The following PRPF38B variants were observed in gnomAD, a reference collection of about 807,000 sequenced individuals.
The protein encoded by PRPF38B is pre-mRNA processing factor 38B, also known as pre-mRNA-splicing factor 38B.
A neutral mutation model predicts 67.2 loss-of-function variants in PRPF38B; 18 were observed. That is an observed-to-expected ratio of 0.27 (90% confidence interval 0.19 to 0.40). The LOEUF (loss-of-function observed/expected upper bound fraction) is 0.40, where lower values mean the gene tolerates loss of function less well. Ranked by LOEUF, PRPF38B falls within the 10% of genes least tolerant of loss-of-function variation. PRPF38B has a pLI of 1.00. For missense variants in PRPF38B, 544 were observed against 684.9 expected (o/e 0.79, Z 2.30); for synonymous variants, 246 against 234.2 (o/e 1.05, Z -0.46).
Position 108,696,258 on chromosome 1 carries a change from T to C in PRPF38B, c.498-19T>C, listed in dbSNP as rs1659850770. On this transcript the variant is annotated intron_variant, in intron 3 of 5. Coordinates refer to ENST00000370025, the MANE Select transcript of PRPF38B (RefSeq NM_018061.4). ...ATTTTAATTCACATGTGTTTAATAA[T>C]AGTCTTTTGTAATTCTAGATATACA... is the stretch of plus-strand genomic sequence containing the variant. 6.2e-7 allele frequency: 1 copy of C among 1,611,456 alleles called. No individual in the cohort carries two copies. Among genetic ancestry groups the C allele is most frequent in the African/African-American group, 1.3e-5 (1 of 74,956 alleles).
rs77631060 is a variant in PRPF38B, at chr1:108,702,420, G to T, written c.*2400G>T. Among the ~76,000 whole-genome samples, 1,256 of 152,278 alleles carry T rather than the reference G, an allele frequency of 8.2e-3. 5 individuals are homozygous for T. Among genetic ancestry groups the T allele is most frequent in the South Asian group, 0.027 (130 of 4,826 alleles). ...ATTACAGGTGTGAGCCACCACTCCA[G>T]TCCCTTCTTACGATTTTTAAATATG... On this transcript the variant is annotated 3_prime_UTR_variant, in exon 6 of 6. Coordinates refer to ENST00000370025, the MANE Select transcript of PRPF38B (RefSeq NM_018061.4).
chr1:108,699,657 T>C lies in PRPF38B; in HGVS notation c.1278T>C (p.Ser426=). ...KRDSKKEKKH[S]RSRSRERKHR... is the part of the protein sequence containing the mutation. ...ATTCCAAGAAAGAGAAAAAACACAGTAGAAGCAGAAGCAGAGAAAGGAAAC... is the reference window on the plus strand; with the variant it reads ...ATTCCAAGAAAGAGAAAAAACACAGCAGAAGCAGAAGCAGAGAAAGGAAAC... Residue 426 remains serine, a synonymous_variant, in exon 6 of 6, where the codon AGT becomes AGC. Transcript: ENST00000370025. The C allele has an allele frequency of 1.3e-6, 2 of 1,561,258 alleles. No homozygotes were observed. The highest frequency in any genetic ancestry group is 1.2e-5 in the South Asian group (1 of 85,322).
rs1009974818 is a variant in PRPF38B, at chr1:108,696,735, T to G, written c.558+398T>G. 4.2e-5 allele frequency: 30 copies of G among 716,948 alleles called. No individual in the cohort carries two copies. In the African/African-American group the frequency reaches 4.5e-4, roughly 11 times the overall value. 44.4% of individuals were successfully genotyped at this position (716,948 alleles called of 1,614,324 possible). On this transcript the variant is annotated intron_variant, in intron 4 of 5. Transcript: ENST00000370025. Reference sequence around the variant, plus strand: ...GTAGCTTTTTTTTCTTCTGGAACATTTCAGTTCTTCACCCTCTAGCTTCTT... The same window carrying G: ...GTAGCTTTTTTTTCTTCTGGAACATGTCAGTTCTTCACCCTCTAGCTTCTT...
chr1:108,701,020 CTGT>C lies in PRPF38B; in HGVS notation c.*1002_*1004del, dbSNP rs1570706019. ...CTTTTTTTATTGATAATGGAGATTG[CTGT>C]TTGAGTTTTTAAACTTAATCTAGAA... On this transcript the variant is annotated 3_prime_UTR_variant, in exon 6 of 6. Coordinates refer to ENST00000370025, the MANE Select transcript of PRPF38B (RefSeq NM_018061.4). 6.6e-6 allele frequency: 1 copy of C among 152,406 alleles called. No homozygotes were observed. Among genetic ancestry groups the C allele is most frequent in the African/African-American group, 2.4e-5 (1 of 41,362 alleles). The allele number at this position is 152,406 out of a possible 1,614,324, so 9.4% of individuals were successfully genotyped here. A position where few individuals can be genotyped will look rare whatever the true frequency, so the allele number is the denominator to read the frequency against.
intron 2 of PRPF38B, 36 bp from the exon 3 acceptor site, chr1:108,696,007 A>C: frequency 6.3e-7 from 1 of 1,598,254 alleles, no homozygotes; most frequent in Non-Finnish European, 8.5e-7. Flanking sequence ...TCCGTTAATT[A>C]TTTTACTACT....
At chr1:108,696,675 C>G (rs898483288) in intron 4 of PRPF38B, 28 of 711,964 alleles carry the variant, frequency 3.9e-5, no homozygotes, top group African/African-American at 3.7e-4. Flanking sequence ...CAAGATCGAA[C>G]AGATAATAAA....
Position 108,692,706 on chromosome 1 carries a change from G to A in PRPF38B, c.115G>A (p.Val39Ile), listed in dbSNP as rs1294511767. ...CGGCGGCGGCGCTACCAAGCCGGCG[G>A]TCTCCGGCAAGCAGGGCAATGTGCT... Reference protein sequence around the residue: ...CGGGGATKPAVSGKQGNVLPL... With the variant: ...CGGGGATKPAISGKQGNVLPL... Residue 39 changes from valine to isoleucine, a missense_variant, in exon 1 of 6, where the codon GTC (valine) becomes ATC (isoleucine). By Grantham distance (29) the Val-to-Ile change is conservative (BLOSUM62 3). This residue lies in a region of PRPF38B where 70 missense variants were observed against 58.4 expected (regional missense o/e 1.20). Coordinates refer to ENST00000370025, the MANE Select transcript of PRPF38B (RefSeq NM_018061.4). The A allele has an allele frequency of 4.3e-6, 7 of 1,613,522 alleles. No individual in the cohort carries two copies. The highest frequency in any genetic ancestry group is 5.9e-6 in the Non-Finnish European group (7 of 1,180,040).
chr1:108,692,526 G>A lies in PRPF38B; in HGVS notation c.-66G>A, dbSNP rs993548796. 8 of 1,471,998 alleles carry A rather than the reference G, an allele frequency of 5.4e-6. No individual in the cohort carries two copies. Among genetic ancestry groups the A allele is most frequent in the Non-Finnish European group, 7.2e-6 (8 of 1,111,912 alleles). The allele number at this position is 1,471,998 out of a possible 1,614,324, so 91.2% of individuals were successfully genotyped here. Reference sequence around the variant, plus strand: ...GAGTAGGGTCCCAGACCGTTGTCCCGAAGAGCGAGATCGAGCTTGGCCCCC... The same window carrying A: ...GAGTAGGGTCCCAGACCGTTGTCCCAAAGAGCGAGATCGAGCTTGGCCCCC... On this transcript the variant is annotated 5_prime_UTR_variant, in exon 1 of 6. Transcript: ENST00000370025.
At chr1:108,698,289 T>C (rs1660082912) in intron 4 of PRPF38B, 1 of 233,298 alleles carries the variant, frequency 4.3e-6, no homozygotes, top group South Asian at 9.7e-5. Context: ...AATAAATACA[T>C]AGTAGGTATG....
At chr1:108,694,325 A>G (rs371938729) in intron 1 of PRPF38B, among the ~76,000 whole-genome samples, 2 of 152,192 alleles carry the variant, frequency 1.3e-5, no homozygotes, top group Admixed American at 6.5e-5. Flanking sequence ...TCTGTTTTCT[A>G]ACATAGGCAA....
Position 108,701,463 on chromosome 1 carries a change from T to G in PRPF38B, c.*1443T>G, listed in dbSNP as rs1182917701. On this transcript the variant is annotated 3_prime_UTR_variant, in exon 6 of 6. Transcript: ENST00000370025. ...TGTCAAAGACGTTTATTGGGATACCTTTTACTTGGACAATATGTTAGCATT... is the reference window on the plus strand; with the variant it reads ...TGTCAAAGACGTTTATTGGGATACCGTTTACTTGGACAATATGTTAGCATT... 1.3e-5 allele frequency: 2 copies of G among 152,234 alleles called. No individual in the cohort carries two copies. Among genetic ancestry groups the G allele is most frequent in the African/African-American group, 2.4e-5 (1 of 41,462 alleles). 9.4% of individuals were successfully genotyped at this position (152,234 alleles called of 1,614,324 possible). A position where few individuals can be genotyped will look rare whatever the true frequency, so the allele number is the denominator to read the frequency against.
chr1:108,692,902 G>A (rs1174375595), intron 1 of PRPF38B, 35 bp downstream of exon 1: 2 of 1,585,382 alleles, frequency 1.3e-6, no homozygotes, highest in African/African-American at 2.7e-5. Context: ...TTGGGGGTAA[G>A]TTCGGAAGAG....
rs548477992 is a variant in PRPF38B, at chr1:108,692,425, T to A, written c.-167T>A. 6.1e-4 allele frequency: 470 copies of A among 767,238 alleles called. 2 individuals are homozygous for A. In the African/African-American group the frequency reaches 7.7e-3, roughly 13 times the overall value. The allele number at this position is 767,238 out of a possible 1,614,324, so 47.5% of individuals were successfully genotyped here. A position where few individuals can be genotyped will look rare whatever the true frequency, so the allele number is the denominator to read the frequency against. ...CTGTCTGCTCTTGGCCCGGGGTCAT[T>A]TTGTCGGCGTCGGGTGCCCTCTCTT... On this transcript the variant is annotated 5_prime_UTR_variant, in exon 1 of 6. Transcript: ENST00000370025.
In PRPF38B at chr1:108,699,210, A is replaced by G. The variant is rs759385197; in HGVS notation, c.831A>G (p.Arg277=). The change falls in exon 6 of 6, where the codon AGA becomes AGG. Residue 277 remains arginine (R), a synonymous_variant. Transcript: ENST00000370025. ...CACGGAGGTCCCCAAGAAGGTCAAG[A>G]AGTAGAAGTCATCATCGGGAGGGCC... The part of the protein sequence containing the change: ...LSPRRSPRRS[R]SRSHHREGHG... The G allele has an allele frequency of 1.4e-5, 23 of 1,613,994 alleles. No individual in the cohort carries two copies. The African/African-American group carries it at 3.1e-4, about 22-fold the overall frequency.
At position 108,701,836 on chromosome 1, in the gene PRPF38B, T is replaced by G. The variant is rs968004184; in HGVS notation, c.*1816T>G. ...CTTTTTTCTTTTTTAAGAAAATTCCTTTGTCTTTTAAATTGAGCATCAAGT... is the reference window on the plus strand; with the variant it reads ...CTTTTTTCTTTTTTAAGAAAATTCCGTTGTCTTTTAAATTGAGCATCAAGT... On this transcript the variant is annotated 3_prime_UTR_variant, in exon 6 of 6. Transcript: ENST00000370025. 6.6e-6 allele frequency: 1 copy of G among 152,232 alleles called. No homozygotes were observed. Among genetic ancestry groups the G allele is most frequent in the African/African-American group, 2.4e-5 (1 of 41,462 alleles). 9.4% of individuals were successfully genotyped at this position (152,232 alleles called of 1,614,324 possible).
In PRPF38B at chr1:108,699,381, A is replaced by T. The variant is rs185237370; in HGVS notation, c.1002A>T (p.Glu334Asp). The T allele has an allele frequency of 1.7e-5, 27 of 1,614,188 alleles. No individual in the cohort carries two copies. In the Admixed American group the frequency reaches 3.3e-4, roughly 20 times the overall value. ...GLERRRSRSRERHRSRSRSRD... is the reference protein window; with the variant it reads ...GLERRRSRSRDRHRSRSRSRD... ...AACGCAGGCGCAGCAGAAGTAGGGA[A>T]AGGCATAGAAGTCGCAGTCGAAGTC... The change falls in exon 6 of 6, where the codon GAA becomes GAT. Residue 334 changes from glutamate to aspartate, a missense_variant. Around this residue, in one of 5 missense-constraint regions of PRPF38B, gnomAD observed 387 missense variants for 386.1 expected, o/e 1.00. Transcript: ENST00000370025.
Position 108,700,058 on chromosome 1 carries a change from A to C in PRPF38B, c.*38A>C. 6.5e-7 allele frequency: 1 copy of C among 1,543,274 alleles called. No individual in the cohort carries two copies. The highest frequency in any genetic ancestry group is 8.7e-7 in the Non-Finnish European group (1 of 1,151,370). On this transcript the variant is annotated 3_prime_UTR_variant, in exon 6 of 6. Transcript: ENST00000370025. ...AAAGTGGATCACATTGAATCCTATA[A>C]ATGATTAAATCTGCTTTTTTCCCCC...
intron 2 of PRPF38B, 27 bp from the exon 3 acceptor site, chr1:108,696,016 C>T (rs188372092): frequency 2.3e-5 from 37 of 1,603,160 alleles, no homozygotes; most frequent in South Asian, 4.5e-5. Flanking sequence ...TATTTTACTA[C>T]TTTTTCTTAA....
Position 108,699,794 on chromosome 1 carries a change from G to C in PRPF38B, c.1415G>C (p.Arg472Pro). The part of the protein sequence containing the change: ...ESKEKSNKRS[R>P]SGSQGRTDSV... ...AAAGAAAAATCAAATAAACGAAGTC[G>C]AAGTGGCAGTCAAGGAAGAACTGAC... The change falls in exon 6 of 6, where the codon CGA becomes CCA. Residue 472 changes from arginine to proline, a missense_variant. By Grantham distance (103) the Arg-to-Pro change is moderately radical. Transcript: ENST00000370025. The C allele has an allele frequency of 6.2e-7, 1 of 1,612,962 alleles. No homozygotes were observed. The highest frequency in any genetic ancestry group is 1.7e-5 in the Admixed American group (1 of 59,752).
Sources: gnomAD v4.1 joint callset for allele counts (sites outside exome capture counted in the v4.1 genomes callset) on GRCh38, gnomAD v4.1.1 for gene constraint, gnomAD v4.1.1 regional missense constraint, MANE v1.5 for transcripts, NCBI Gene and HGNC (gene_info 2026-07-23, HGNC 2026-07-21) for gene names.